CHSY3: variants seen among roughly 807,000 people sequenced by gnomAD.
CHSY3 encodes the protein N-acetylgalactosaminyl-proteoglycan 3-beta-glucuronosyltransferase 3.
Under a neutral mutation model 67.2 loss-of-function variants are expected in CHSY3, and 35 were observed. That is an observed-to-expected ratio of 0.52 (90% CI 0.40 to 0.69). The LOEUF is 0.69. Among genes scored for constraint, CHSY3 ranks in the 30% least tolerant of loss-of-function variants. The pLI, the probability that CHSY3 is intolerant of heterozygous loss-of-function variation, is 0.00. For missense variants in CHSY3, 1,069 were observed against 1,138.5 expected (o/e 0.94, Z 0.88); for synonymous variants, 474 against 434.7 (o/e 1.09, Z -1.12).
chr5:130,134,923 C>T (rs1162967097), intron 2 of CHSY3, among the ~76,000 whole-genome samples: 6 of 150,656 alleles, frequency 4.0e-5, no homozygotes, highest in Non-Finnish European at 8.8e-5. Context: ...TATTTTTCTC[C>T]AATATCAGAA....
intron 2 of CHSY3, among the ~76,000 whole-genome samples, chr5:129,972,701 C>T (rs1293676004): frequency 1.3e-5 from 2 of 151,840 alleles, no homozygotes; most frequent in Non-Finnish European, 2.9e-5. Context: ...CCCCCACACC[C>T]ACTCTCCTAC....
intron 2 of CHSY3, among the ~76,000 whole-genome samples, chr5:129,946,483 A>G (rs1761858107): frequency 6.6e-6 from 1 of 152,168 alleles, no homozygotes; most frequent in East Asian, 1.9e-4. Flanking sequence ...ATTCATAGAT[A>G]ATTTTGTTTT....
intron 2 of CHSY3, among the ~76,000 whole-genome samples, chr5:130,046,800 T>C (rs1300537041): frequency 1.3e-5 from 2 of 152,078 alleles, no homozygotes; most frequent in African/African-American, 2.4e-5. Flanking sequence ...TAAAAATGCC[T>C]GTATAGAAAA....
intron 2 of CHSY3, among the ~76,000 whole-genome samples, chr5:129,984,139 AG>A (rs1332931458): frequency 6.6e-6 from 1 of 152,124 alleles, no homozygotes; most frequent in Admixed American, 6.5e-5. Flanking sequence ...CCAGGTAATA[AG>A]CATAGTACCC....
At chr5:130,145,931 T>C (rs1769061337) in intron 2 of CHSY3, among the ~76,000 whole-genome samples, 1 of 152,136 alleles carries the variant, frequency 6.6e-6, no homozygotes, top group Non-Finnish European at 1.5e-5. Flanking sequence ...AGAATGGCTA[T>C]CATTAAAAAG....
At chr5:130,158,735 A>G (rs949843931) in intron 2 of CHSY3, among the ~76,000 whole-genome samples, 1 of 152,210 alleles carries the variant, frequency 6.6e-6, no homozygotes, top group Admixed American at 6.5e-5. Flanking sequence ...GAAAAGCATT[A>G]CTTAAGTATG....
chr5:130,157,374 G>C (rs1769402390), intron 2 of CHSY3, among the ~76,000 whole-genome samples: 1 of 152,204 alleles, frequency 6.6e-6, no homozygotes, highest in Admixed American at 6.5e-5. Flanking sequence ...ATTTAAAGGA[G>C]AGAGACTAGG....
At chr5:130,078,108 G>A (rs753341115) in intron 2 of CHSY3, among the ~76,000 whole-genome samples, 5 of 152,134 alleles carry the variant, frequency 3.3e-5, no homozygotes, top group Middle Eastern at 3.4e-3. Context: ...ACTCATGCAA[G>A]GTGAAATATC....
chr5:130,103,755 G>C (rs934410679), intron 2 of CHSY3, among the ~76,000 whole-genome samples: 14 of 152,066 alleles, frequency 9.2e-5, no homozygotes, highest in African/African-American at 3.1e-4. Context: ...GTTTACCTGA[G>C]AGCCTTGACT....
intron 2 of CHSY3, among the ~76,000 whole-genome samples, chr5:130,133,062 C>T (rs73788403): frequency 3.9e-5 from 6 of 152,208 alleles, no homozygotes; most frequent in African/African-American, 1.4e-4. Context: ...TGCCATGCCT[C>T]GTTGGAAATC....
chr5:130,109,071 G>T (rs969620610), intron 2 of CHSY3, among the ~76,000 whole-genome samples: 2 of 151,548 alleles, frequency 1.3e-5, no homozygotes, highest in African/African-American at 4.8e-5. Flanking sequence ...ACATTTACAG[G>T]CACATCAGTG....
intron 2 of CHSY3, among the ~76,000 whole-genome samples, chr5:130,041,471 T>C (rs1234085305): frequency 5.3e-5 from 8 of 152,148 alleles, no homozygotes; most frequent in African/African-American, 1.9e-4. Context: ...TAATATCAAA[T>C]GTAAGAGGCA....
rs146585662 is a variant in CHSY3, at chr5:129,916,384, G to A, written c.1086+8024G>A. Among the ~76,000 whole-genome samples, 70 of 152,208 alleles carry A rather than the reference G, an allele frequency of 4.6e-4. 1 individual carries two copies. In the East Asian group the frequency reaches 9.3e-3, roughly 20 times the overall value. On this transcript the variant is annotated intron_variant, in intron 2 of 2. Transcript: ENST00000305031. ...CCCCCAAACCGCGGAGCACAGAAGA[G>A]GTTCAGAGAATTCTAAACAGCTTGG...
chr5:130,144,144 A>T (rs1018878081), intron 2 of CHSY3, among the ~76,000 whole-genome samples: 2 of 151,610 alleles, frequency 1.3e-5, no homozygotes, highest in Non-Finnish European at 2.9e-5. Flanking sequence ...AAAAAAAAAA[A>T]TTCACAAGTA....
rs1284000534 is a variant in CHSY3 at position 130,185,112 on chromosome 5, T to C, written c.1970T>C (p.Ile657Thr). ...AAGCAGAATGTAAAGTTGGTCATTA[T>C]CCTTTTCAGTAGGGATTCTGGCCAA... Reference protein sequence around the residue: ...IPKQNVKLVIILFSRDSGQDS... With the variant: ...IPKQNVKLVITLFSRDSGQDS... The change falls in exon 3 of 3, where the codon ATC (isoleucine) becomes ACC (threonine). Residue 657 changes from isoleucine (I) to threonine (T), a missense_variant. By Grantham distance (89) the Ile-to-Thr change is moderately conservative. This residue lies in a region of CHSY3 where 401 missense variants were observed against 395.2 expected (regional missense o/e 1.01). Transcript: ENST00000305031. 1 of 1,598,484 alleles carries C rather than the reference T, an allele frequency of 6.3e-7. No individual in the cohort carries two copies. The highest frequency in any genetic ancestry group is 8.6e-7 in the Non-Finnish European group (1 of 1,165,770).
chr5:129,930,147 A>G (rs1197781522), intron 2 of CHSY3, among the ~76,000 whole-genome samples: 1 of 152,110 alleles, frequency 6.6e-6, no homozygotes, highest in Non-Finnish European at 1.5e-5. Flanking sequence ...ATCCTGGCCA[A>G]CATAGTGAAA....
At position 130,140,569 on chromosome 5, in the gene CHSY3, T is replaced by A. The variant is rs951227459; in HGVS notation, c.1087-43660T>A. 4.6e-5 allele frequency: 25 copies of A among 541,140 alleles called. No homozygotes were observed. The African/African-American group carries it at 4.8e-4, about 10-fold the overall frequency. 33.5% of individuals were successfully genotyped at this position (541,140 alleles called of 1,614,324 possible). A position where few individuals can be genotyped will look rare whatever the true frequency, so the allele number is the denominator to read the frequency against. Reference sequence around the variant, plus strand: ...TAAGCCAACTGCTGCTGCTACTGCTTATAGACAAAAAGGTTGGAGCTGAAA... The same window carrying A: ...TAAGCCAACTGCTGCTGCTACTGCTAATAGACAAAAAGGTTGGAGCTGAAA... On this transcript the variant is annotated intron_variant, in intron 2 of 2. Coordinates refer to ENST00000305031, the MANE Select transcript of CHSY3 (RefSeq NM_175856.5).
chr5:130,014,826 G>A (rs1018909509), intron 2 of CHSY3, among the ~76,000 whole-genome samples: 1 of 152,080 alleles, frequency 6.6e-6, no homozygotes. Context: ...GACTCCCAGA[G>A]CAATTACAAC....
At chr5:130,065,737 A>G (rs1264063360) in intron 2 of CHSY3, among the ~76,000 whole-genome samples, 6 of 152,124 alleles carry the variant, frequency 3.9e-5, no homozygotes, top group African/African-American at 1.2e-4. Context: ...CAATGATCCA[A>G]TTTGTGAATA....
Sources: allele counts gnomAD v4.1 joint callset (sites outside exome capture counted in the v4.1 genomes callset), GRCh38; gene constraint gnomAD v4.1.1; regional missense constraint gnomAD v4.1.1; transcripts MANE v1.5; gene names NCBI Gene and HGNC (gene_info 2026-07-23, HGNC 2026-07-21).